The following CUL3 variants were observed in gnomAD, a reference collection of about 807,000 sequenced individuals.
CUL3 encodes the protein cullin-3.
In CUL3, 19 loss-of-function variants were observed where a neutral mutation model predicts 89.1. That is an observed-to-expected ratio of 0.21 (90% CI 0.15 to 0.31). The LOEUF (loss-of-function observed/expected upper bound fraction) is 0.31, where lower values mean the gene tolerates loss of function less well. CUL3 is among the 10% of genes least tolerant of loss of function. The pLI is 1.00. For missense variants in CUL3, 469 were observed against 942.3 expected (o/e 0.50, Z 6.58); for synonymous variants, 351 against 308.4 (o/e 1.14, Z -1.45).
At chr2:224,568,883 C>T (rs1179815188) in intron 1 of CUL3, among the ~76,000 whole-genome samples, 1 of 152,174 alleles carries the variant, frequency 6.6e-6, no homozygotes, top group African/African-American at 2.4e-5. Flanking sequence ...TGCACGTCAA[C>T]ATCCTTGGCA....
intron 2 of CUL3, among the ~76,000 whole-genome samples, chr2:224,538,992 T>C (rs1184685677): frequency 2.0e-5 from 3 of 151,420 alleles, no homozygotes; most frequent in African/African-American, 7.3e-5. Context: ...CACAGCAAGA[T>C]CCTATCTCTA....
At chr2:224,478,465 C>T (rs1273092174) in intron 14 of CUL3, 120 bp from the exon 15 acceptor site, 9 of 797,468 alleles carry the variant, frequency 1.1e-5, no homozygotes, top group South Asian at 2.2e-5. Context: ...TGAATATACA[C>T]ACTTATTAAT....
intron 2 of CUL3, among the ~76,000 whole-genome samples, chr2:224,553,556 T>C (rs1392843887): frequency 1.3e-5 from 2 of 152,244 alleles, no homozygotes; most frequent in East Asian, 3.8e-4. Context: ...GACTGAATGT[T>C]TGTGTTATTC....
At position 224,475,449 on chromosome 2, in the gene CUL3, C is replaced by T. The variant is rs561807465; in HGVS notation, c.2176-1073G>A. ...CAGAGATGAATCTAAACCTTTCTGA[C>T]CTCAAAGTCCATGTTCTTTGCTCTA... On this transcript the variant is annotated intron_variant, in intron 15 of 15. Transcript: ENST00000264414. Among the ~76,000 whole-genome samples, 43 of 152,348 alleles carry T rather than the reference C, an allele frequency of 2.8e-4. 1 individual carries two copies. Among genetic ancestry groups the T allele is most frequent in the Admixed American group, 3.9e-4 (6 of 15,308 alleles).
At chr2:224,535,307 G>C (rs894833140) in intron 3 of CUL3, among the ~76,000 whole-genome samples, 7 of 152,242 alleles carry the variant, frequency 4.6e-5, no homozygotes, top group Admixed American at 1.3e-4. Context: ...CCAAGTAGCT[G>C]GGATTACAGG....
At chr2:224,479,154 T>G (rs1438445849) in intron 14 of CUL3, 1 of 152,134 alleles carries the variant, frequency 6.6e-6, no homozygotes, top group Non-Finnish European at 1.5e-5. Context: ...TTTCTGGAGG[T>G]AGAAACCGTA....
rs565351218 is a variant in CUL3, at chr2:224,498,675, T to C, written c.1611-826A>G. On this transcript the variant is annotated intron_variant, in intron 11 of 15. Coordinates refer to ENST00000264414, the MANE Select transcript of CUL3 (RefSeq NM_003590.5). ...ATCTGTGTGCATGTCTAAAGTGTTA[T>C]ACTGATTCACTATTACAATAAGGAT... 4.6e-5 allele frequency among the ~76,000 whole-genome samples: 7 copies of C among 152,286 alleles called. No homozygotes were observed. In the East Asian group the frequency reaches 1.4e-3, roughly 29 times the overall value.
chr2:224,521,241 T>G (rs1693247979), intron 3 of CUL3, among the ~76,000 whole-genome samples: 1 of 152,190 alleles, frequency 6.6e-6, no homozygotes, highest in South Asian at 2.1e-4. Flanking sequence ...ATTTTATCAT[T>G]CCTATCTAAT....
At chr2:224,505,206 T>TG (rs1385243183) in intron 8 of CUL3, among the ~76,000 whole-genome samples, 1 of 151,786 alleles carries the variant, frequency 6.6e-6, no homozygotes, top group Non-Finnish European at 1.5e-5. Context: ...GGCGTCATCT[T>TG]GGCTCACTGC....
chr2:224,491,896 C>T lies in CUL3; in HGVS notation c.1842+3936G>A, dbSNP rs1042894230. ...TACAATTATTACAATATCTTAATAACGATCTTTTCAAAAAGTTTTCCTATG... is the reference window on the plus strand; with the variant it reads ...TACAATTATTACAATATCTTAATAATGATCTTTTCAAAAAGTTTTCCTATG... On this transcript the variant is annotated intron_variant, in intron 13 of 15. Coordinates refer to ENST00000264414, the MANE Select transcript of CUL3 (RefSeq NM_003590.5). Among the ~76,000 whole-genome samples the T allele has an allele frequency of 6.8e-4, 104 of 152,136 alleles. 5 individuals are homozygous for T. Among genetic ancestry groups the T allele is most frequent in the Non-Finnish European group, 7.4e-5 (5 of 68,000 alleles).
chr2:224,560,025 G>A (rs1388821978), intron 1 of CUL3, among the ~76,000 whole-genome samples: 1 of 152,192 alleles, frequency 6.6e-6, no homozygotes, highest in Non-Finnish European at 1.5e-5. Flanking sequence ...CGAGGCTGCA[G>A]TGAGTGGAGA....
At position 224,485,717 on chromosome 2, in the gene CUL3, T is replaced by C. The variant is rs2396094; in HGVS notation, c.1843-3639A>G. On this transcript the variant is annotated intron_variant, in intron 13 of 15. Coordinates refer to ENST00000264414, the MANE Select transcript of CUL3 (RefSeq NM_003590.5). This position sits in a 1 kb window ranked among gnomAD's most constrained non-coding sequence, Gnocchi z 4.1. ...ATTAAATGTTCTTGCCTGCTGGCTC[T>C]GAAGAGAGCAGTGGATCCCACAGCG... Among the ~76,000 whole-genome samples the C allele has an allele frequency of 0.18, 28,155 of 152,226 alleles. 2,962 individuals carry two copies. The highest frequency in any genetic ancestry group is 0.27 in the South Asian group (1,306 of 4,820).
intron 13 of CUL3, among the ~76,000 whole-genome samples, chr2:224,494,121 A>G (rs923476237): frequency 1.3e-5 from 2 of 152,196 alleles, no homozygotes; most frequent in Non-Finnish European, 2.9e-5. Context: ...TCTCTTAATT[A>G]TACTAACTTC....
intron 1 of CUL3, among the ~76,000 whole-genome samples, chr2:224,578,194 T>C (rs1194166547): frequency 1.3e-5 from 2 of 152,194 alleles, no homozygotes; most frequent in African/African-American, 2.4e-5. Context: ...TAAATAGTCA[T>C]AGTTGCAATC....
rs1419431344 is a variant in CUL3 at position 224,585,246 on chromosome 2, G to C, written c.-237C>G. The stretch of plus-strand genomic sequence containing the variant: ...TGCGGCTGGGGGGCTGCGCTGGCGC[G>C]GCGGCTCCGCGGGGTCCCCCTCACG... On this transcript the variant is annotated 5_prime_UTR_variant, in exon 1 of 16. Transcript: ENST00000264414. The C allele has an allele frequency of 2.6e-6, 1 of 391,854 alleles. No individual in the cohort carries two copies. Among genetic ancestry groups the C allele is most frequent in the Non-Finnish European group, 4.5e-6 (1 of 223,362 alleles). 24.3% of individuals were successfully genotyped at this position (391,854 alleles called of 1,614,324 possible). A position where few individuals can be genotyped will look rare whatever the true frequency, so the allele number is the denominator to read the frequency against.
In CUL3 at chr2:224,526,259, T is replaced by C. The variant is rs1559174742; in HGVS notation, c.378+9269A>G. ...ACATTGTCAGAGTCCACTTTATGTA[T>C]ACAAGTTCATTCCCTTTACTCTATC... On this transcript the variant is annotated intron_variant, in intron 3 of 15. Coordinates refer to ENST00000264414, the MANE Select transcript of CUL3 (RefSeq NM_003590.5). Among the ~76,000 whole-genome samples the C allele has an allele frequency of 1.3e-5, 2 of 152,192 alleles. 1 individual carries two copies. Among genetic ancestry groups the C allele is most frequent in the South Asian group, 4.1e-4 (2 of 4,828 alleles).
chr2:224,571,868 T>A (rs1695188258), intron 1 of CUL3, among the ~76,000 whole-genome samples: 1 of 152,226 alleles, frequency 6.6e-6, no homozygotes. Flanking sequence ...TGTCTTTTAC[T>A]GAAATTTTTG....
rs1465086578 is a variant in CUL3 at position 224,511,411 on chromosome 2, T to C, written c.826A>G (p.Ile276Val). ...RELISKHMKT[I>V]VEMENSGLVH... ...AGCCCAGAATTCTCCATTTCTACTATAGTCTTCATGTGCTTGGAAATGAGT... is the reference window on the plus strand; with the variant it reads ...AGCCCAGAATTCTCCATTTCTACTACAGTCTTCATGTGCTTGGAAATGAGT... The change falls in exon 6 of 16, where the codon ATA becomes GTA. Residue 276 changes from isoleucine to valine, a missense_variant. Around this residue, in one of 4 missense-constraint regions of CUL3, gnomAD observed 370 missense variants for 733.2 expected, o/e 0.50. Transcript: ENST00000264414. 8 of 1,613,934 alleles carry C rather than the reference T, an allele frequency of 5.0e-6. No individual in the cohort carries two copies. The highest frequency in any genetic ancestry group is 1.3e-5 in the African/African-American group (1 of 75,040).
chr2:224,518,113 G>C (rs955916573), intron 3 of CUL3, among the ~76,000 whole-genome samples: 1 of 152,194 alleles, frequency 6.6e-6, no homozygotes, highest in South Asian at 2.1e-4. Context: ...CCTTTTATCG[G>C]GATTTGCAGC....
Sources: gnomAD v4.1 joint callset for allele counts (sites outside exome capture counted in the v4.1 genomes callset) on GRCh38, gnomAD v4.1.1 for gene constraint, gnomAD v4.1.1 regional missense constraint, Gnocchi (gnomAD v3.1) non-coding constraint, MANE v1.5 for transcripts, NCBI Gene and HGNC (gene_info 2026-07-23, HGNC 2026-07-21) for gene names.